Variants in SEC14L1 observed in about 807,000 individuals in gnomAD.
SEC14L1 encodes SEC14 like lipid binding 1.
Under a neutral mutation model 85.3 loss-of-function variants are expected in SEC14L1, and 48 were observed. That is an observed-to-expected ratio of 0.56 (90% confidence interval 0.45 to 0.72). The LOEUF is 0.72. Ranked by LOEUF, SEC14L1 falls within the 30% of genes least tolerant of loss-of-function variation. The pLI, the probability that SEC14L1 is intolerant of heterozygous loss-of-function variation, is 0.00. For missense variants in SEC14L1, 682 were observed against 921.4 expected, an observed-to-expected ratio of 0.74 and a Z score of 3.36; for synonymous variants, 391 against 355.5, an observed-to-expected ratio of 1.10 and a Z score of -1.12.
chr17:77,204,911 G>A lies in SEC14L1; in HGVS notation c.1099-365G>A, dbSNP rs115960101. ...TTCTCAGGCTGCCTTTTCTCTTGGCGGGCACATGTGGTATCAGAGTGTTCT... is the reference window on the plus strand; with the variant it reads ...TTCTCAGGCTGCCTTTTCTCTTGGCAGGCACATGTGGTATCAGAGTGTTCT... On this transcript the variant is annotated intron_variant, in intron 10 of 16. Transcript: ENST00000436233. 3.1e-3 allele frequency among the ~76,000 whole-genome samples: 478 copies of A among 152,238 alleles called. 2 individuals are homozygous for A. The highest frequency in any genetic ancestry group is 0.011 in the African/African-American group (449 of 41,552).
At chr17:77,119,141 C>A (rs1972241079) in intron 3 of SEC14L1, among the ~76,000 whole-genome samples, 1 of 151,958 alleles carries the variant, frequency 6.6e-6, no homozygotes, top group Admixed American at 6.6e-5. Context: ...GAAACCCTGT[C>A]TCTACTAAAA....
At chr17:77,191,120 A>G in intron 4 of SEC14L1, 61 bp from the exon 5 acceptor site, 1 of 1,566,772 alleles carries the variant, frequency 6.4e-7, no homozygotes, top group Non-Finnish European at 8.8e-7. Flanking sequence ...AACTTATACT[A>G]TAGCTTCTGT....
intron 6 of SEC14L1, among the ~76,000 whole-genome samples, chr17:77,193,953 CTGT>C (rs1424393949): frequency 6.6e-6 from 1 of 152,164 alleles, no homozygotes; most frequent in African/African-American, 2.4e-5. Context: ...CGTTTTTGTG[CTGT>C]TGTTCATCAG....
intron 3 of SEC14L1, among the ~76,000 whole-genome samples, chr17:77,174,552 C>G (rs1974663347): frequency 6.6e-6 from 1 of 152,184 alleles, no homozygotes; most frequent in South Asian, 2.1e-4. Flanking sequence ...TACCTGGTCA[C>G]TGTGGTATTT....
Position 77,213,679 on chromosome 17 carries a change from G to A in SEC14L1, c.2042+187G>A, listed in dbSNP as rs565801482. The stretch of plus-strand genomic sequence containing the variant: ...CTCCCTGCCTGTCTGCAGAGGGAGA[G>A]TGTCGGAGACAGAGCCGACTGACTG... On this transcript the variant is annotated intron_variant, in intron 16 of 16. Coordinates refer to ENST00000436233, the MANE Select transcript of SEC14L1 (RefSeq NM_001143998.2). This position sits in a 1 kb window ranked among gnomAD's most constrained non-coding sequence, Gnocchi z 7.1. 6.9e-6 allele frequency: 6 copies of A among 864,052 alleles called. No homozygotes were observed. Among genetic ancestry groups the A allele is most frequent in the Admixed American group, 2.0e-5 (1 of 50,222 alleles). 53.5% of individuals were successfully genotyped at this position (864,052 alleles called of 1,614,324 possible). A position where few individuals can be genotyped will look rare whatever the true frequency, so the allele number is the denominator to read the frequency against.
chr17:77,170,675 A>G (rs1051976757), intron 3 of SEC14L1, among the ~76,000 whole-genome samples: 3 of 152,226 alleles, frequency 2.0e-5, no homozygotes, highest in Non-Finnish European at 4.4e-5. Context: ...GAACAGGGCA[A>G]TAGGAAGGCA....
chr17:77,099,259 C>G (rs1006401717), intron 3 of SEC14L1: 1 of 152,094 alleles, frequency 6.6e-6, no homozygotes, highest in Non-Finnish European at 1.5e-5. Flanking sequence ...TTAACAAAAC[C>G]AAGACTTGGG....
upstream of SEC14L1, among the ~76,000 whole-genome samples, chr17:77,139,403 C>G (rs1370946617): frequency 6.6e-6 from 1 of 152,000 alleles, no homozygotes; most frequent in East Asian, 1.9e-4. Flanking sequence ...AACTCCTGAC[C>G]TCAGGTGATC....
At chr17:77,172,809 G>C (rs1974574087) in intron 3 of SEC14L1, among the ~76,000 whole-genome samples, 1 of 152,138 alleles carries the variant, frequency 6.6e-6, no homozygotes, top group Non-Finnish European at 1.5e-5. Context: ...GGAATGTTTT[G>C]GATGCGGAAT....
intron 1 of SEC14L1, chr17:77,089,001 C>G (rs1264310257): frequency 6.2e-6 from 1 of 160,982 alleles, no homozygotes; most frequent in African/African-American, 2.4e-5. Context: ...CACACAGCCA[C>G]CGAAATTGGA....
intron 3 of SEC14L1, among the ~76,000 whole-genome samples, chr17:77,103,485 A>G (rs1340356673): frequency 1.4e-5 from 2 of 144,292 alleles, no homozygotes; most frequent in African/African-American, 2.6e-5. Flanking sequence ...ACCTCACCCC[A>G]GGCTGGAGGG....
intron 3 of SEC14L1, among the ~76,000 whole-genome samples, chr17:77,155,535 G>A (rs1973768136): frequency 6.6e-6 from 1 of 152,104 alleles, no homozygotes; most frequent in African/African-American, 2.4e-5. Flanking sequence ...TCCTGGATGG[G>A]CGCTCACTTT....
chr17:77,174,680 G>T (rs535095889), intron 3 of SEC14L1, among the ~76,000 whole-genome samples: 1 of 152,210 alleles, frequency 6.6e-6, no homozygotes, highest in African/African-American at 2.4e-5. Flanking sequence ...CTCCTCACGA[G>T]TGAGGACTGG....
In SEC14L1 at chr17:77,122,093, G is replaced by A. The variant is rs541086333; in HGVS notation, c.-135-20553G>A. Among the ~76,000 whole-genome samples, 19 of 152,242 alleles carry A rather than the reference G, an allele frequency of 1.2e-4. 1 individual carries two copies. The South Asian group carries it at 3.9e-3, about 32-fold the overall frequency. On this transcript the variant is annotated intron_variant, in intron 3 of 19. Coordinates refer to the SEC14L1 transcript ENST00000392476. The stretch of plus-strand genomic sequence containing the variant: ...TACCGAGTCCACCACTCAGGGGATG[G>A]GATTCCAGGAGCTATTTGCTTTCTG...
At chr17:77,205,623 C>T (rs1157000928) in intron 11 of SEC14L1, among the ~76,000 whole-genome samples, 1 of 152,124 alleles carries the variant, frequency 6.6e-6, no homozygotes, top group African/African-American at 2.4e-5. Flanking sequence ...TTGTTTTTGC[C>T]TCCCCTCCCC....
At chr17:77,127,202 G>A (rs540485204) in intron 3 of SEC14L1, among the ~76,000 whole-genome samples, 16 of 150,718 alleles carry the variant, frequency 1.1e-4, no homozygotes, top group African/African-American at 3.9e-4. Context: ...TGTTCTCATT[G>A]TTCAACTCCC....
At chr17:77,180,472 G>A (rs1974982733) in intron 3 of SEC14L1, among the ~76,000 whole-genome samples, 2 of 152,162 alleles carry the variant, frequency 1.3e-5, no homozygotes, top group Admixed American at 1.3e-4. Context: ...CGTTGGGAGT[G>A]CAGTGGCGTG....
chr17:77,216,770 G>T lies in SEC14L1; in HGVS notation c.*2747G>T. On this transcript the variant is annotated 3_prime_UTR_variant, in exon 17 of 17. Transcript: ENST00000436233. ...CACATGACCGCACAAATGCTTACAG[G>T]GTTTCCTCCCGAGTAATCCAATCTC... is the stretch of plus-strand genomic sequence containing the variant. 1.2e-6 allele frequency: 1 copy of T among 855,756 alleles called. No individual in the cohort carries two copies. Among genetic ancestry groups the T allele is most frequent in the Non-Finnish European group, 1.8e-6 (1 of 566,776 alleles). The allele number at this position is 855,756 out of a possible 1,614,324, so 53.0% of individuals were successfully genotyped here.
chr17:77,100,448 T>C (rs2143312928), intron 3 of SEC14L1, among the ~76,000 whole-genome samples: 1 of 139,620 alleles, frequency 7.2e-6, no homozygotes, highest in East Asian at 2.1e-4. Flanking sequence ...TTTTTTTTTT[T>C]TTTTTTGAGA....
Sources: allele counts gnomAD v4.1 joint callset (sites outside exome capture counted in the v4.1 genomes callset), GRCh38; gene constraint gnomAD v4.1.1; non-coding constraint Gnocchi (gnomAD v3.1); transcripts MANE v1.5; gene names NCBI Gene and HGNC (gene_info 2026-07-23, HGNC 2026-07-21).